Variants in SCARA3 observed in about 807,000 individuals in gnomAD.
SCARA3 encodes the protein cellular stress response gene protein.
SCARA3 carries 39 observed loss-of-function variants against 47.0 expected under a neutral mutation model. The ratio of observed to expected loss-of-function variants is 0.83; its 90% CI spans 0.64 to 1.08. The LOEUF is 1.08. Among genes scored for constraint, SCARA3 ranks in the 50% least tolerant of loss-of-function variants. SCARA3 has a pLI of 0.00. For synonymous variants in SCARA3, 356 were observed against 334.1 expected (o/e 1.07, Z -0.71); for missense variants, 724 against 792.3 (o/e 0.91, Z 1.04).
In SCARA3 at chr8:27,638,314, T is replaced by TTGTGTGTGTATGTG. The variant is rs869248680; in HGVS notation, c.7+4116_7+4117insATGTGTGTGTGTGT. ...TGTTTGATCATGTATAATTTAGTGA[T>TTGTGTGTGTATGTG]TGTGTGTGTGTGTGTGTGTGTGTGT... On this transcript the variant is annotated intron_variant, in intron 1 of 5. Transcript: ENST00000301904. Among the ~76,000 whole-genome samples the TTGTGTGTGTATGTG allele has an allele frequency of 2.7e-5, 4 of 146,734 alleles. No homozygotes were observed. The South Asian group carries it at 8.8e-4, about 32-fold the overall frequency.
chr8:27,670,100 C>T (rs1003008584), intron 5 of SCARA3, among the ~76,000 whole-genome samples: 4 of 152,174 alleles, frequency 2.6e-5, no homozygotes, highest in Admixed American at 6.5e-5. Context: ...TGGCAACTCC[C>T]GCAGGCCCTC....
At chr8:27,649,500 C>T (rs1241744468) in intron 1 of SCARA3, among the ~76,000 whole-genome samples, 1 of 152,204 alleles carries the variant, frequency 6.6e-6, no homozygotes, top group East Asian at 1.9e-4. Flanking sequence ...CTCTCCTCAC[C>T]CAGAGGGGTG....
chr8:27,656,573 G>T (rs1359841279), intron 3 of SCARA3, among the ~76,000 whole-genome samples: 1 of 152,108 alleles, frequency 6.6e-6, no homozygotes, highest in Non-Finnish European at 1.5e-5. Flanking sequence ...AACATGTGGG[G>T]TGTGGGGTGA....
the SCARA3 span, among the ~76,000 whole-genome samples, chr8:27,730,394 C>G: frequency 1.4e-4 from 22 of 152,272 alleles, no homozygotes; most frequent in South Asian, 2.9e-3. Context: ...AGCCCCTCCC[C>G]CTTCCCTGTA....
the SCARA3 span, among the ~76,000 whole-genome samples, chr8:27,711,625 CT>C: frequency 6.6e-6 from 1 of 152,136 alleles, no homozygotes; most frequent in East Asian, 1.9e-4. Context: ...CTCATTGCTA[CT>C]GGTTGGTCAT....
chr8:27,662,482 C>T (rs911884968), intron 5 of SCARA3, among the ~76,000 whole-genome samples: 2 of 152,226 alleles, frequency 1.3e-5, no homozygotes, highest in African/African-American at 4.8e-5. Context: ...CAGTCAGGAG[C>T]AATGCTGTGT....
intron 1 of SCARA3, among the ~76,000 whole-genome samples, chr8:27,637,238 G>A (rs1301553407): frequency 3.3e-5 from 5 of 152,218 alleles, no homozygotes; most frequent in Non-Finnish European, 2.9e-5. Context: ...CTCCCAGGCC[G>A]CTGCCTCTTT....
chr8:27,679,167 T>C (rs527693069), downstream of SCARA3, among the ~76,000 whole-genome samples: 1 of 151,798 alleles, frequency 6.6e-6, no homozygotes, highest in Non-Finnish European at 1.5e-5. Context: ...CTCCTCTTTC[T>C]TCATAGTGTC....
At chr8:27,716,905 C>T in the SCARA3 span, among the ~76,000 whole-genome samples, 1 of 152,108 alleles carries the variant, frequency 6.6e-6, no homozygotes, top group Non-Finnish European at 1.5e-5. Flanking sequence ...TGTGAAACCT[C>T]GTAGGGCATG....
chr8:27,637,217 G>GC (rs1489885628), intron 1 of SCARA3, among the ~76,000 whole-genome samples: 1 of 152,234 alleles, frequency 6.6e-6, no homozygotes, highest in East Asian at 1.9e-4. Context: ...CCCACGGCCA[G>GC]CTGACAGGGC....
Position 27,657,275 on chromosome 8 carries a change from C to CT in SCARA3, c.325+404dup, listed in dbSNP as rs201621117. Among the ~76,000 whole-genome samples, 689 of 150,902 alleles carry CT rather than the reference C, an allele frequency of 4.6e-3. 1 individual carries two copies. Among genetic ancestry groups the CT allele is most frequent in the Admixed American group, 8.7e-3 (131 of 15,114 alleles). ...CTGTGCCACGATTCTTTTCTTTTTT[C>CT]TTTTTTTTTAATATGTGCCATCTAT... is the stretch of plus-strand genomic sequence containing the variant. On this transcript the variant is annotated intron_variant, in intron 4 of 5. Coordinates refer to ENST00000301904, the MANE Select transcript of SCARA3 (RefSeq NM_016240.3).
chr8:27,688,640 T>A, the SCARA3 span, among the ~76,000 whole-genome samples: 1 of 151,582 alleles, frequency 6.6e-6, no homozygotes, highest in Non-Finnish European at 1.5e-5. Context: ...AAGTCAGGGG[T>A]AGGGAGAGAG....
At chr8:27,712,608 G>C in the SCARA3 span, among the ~76,000 whole-genome samples, 1 of 147,042 alleles carries the variant, frequency 6.8e-6, no homozygotes, top group African/African-American at 2.5e-5. Context: ...TTCATGGCTT[G>C]ATACCTCTTC....
the SCARA3 span, among the ~76,000 whole-genome samples, chr8:27,704,705 G>A: frequency 2.1e-5 from 3 of 141,068 alleles, no homozygotes; most frequent in African/African-American, 7.3e-5. Context: ...CATTCACAGA[G>A]CGTCTGCAAT....
chr8:27,672,194 G>C lies in SCARA3; in HGVS notation c.*843G>C. ...CTGACATTCTCTGGCCTTGCACACA[G>C]TGCCCCCTGAGAAGTTCAACATTTA... is the stretch of plus-strand genomic sequence containing the variant. On this transcript the variant is annotated 3_prime_UTR_variant, in exon 6 of 6. Transcript: ENST00000301904. 1.0e-6 allele frequency: 1 copy of C among 985,458 alleles called. No homozygotes were observed. The highest frequency in any genetic ancestry group is 1.1e-4 in the East Asian group (1 of 8,808). The allele number at this position is 985,458 out of a possible 1,614,324, so 61.0% of individuals were successfully genotyped here.
At chr8:27,729,863 G>T in the SCARA3 span, among the ~76,000 whole-genome samples, 1 of 152,160 alleles carries the variant, frequency 6.6e-6, no homozygotes, top group Admixed American at 6.5e-5. Flanking sequence ...GCACACCGCG[G>T]AAGGTAGAGT....
At chr8:27,665,074 C>T (rs1019764638) in intron 5 of SCARA3, among the ~76,000 whole-genome samples, 3 of 152,140 alleles carry the variant, frequency 2.0e-5, no homozygotes, top group South Asian at 4.1e-4. Flanking sequence ...TCCACGTGGC[C>T]GGAACTGAGC....
downstream of SCARA3, chr8:27,676,758 A>T: frequency 1.9e-6 from 1 of 530,824 alleles, no homozygotes; most frequent in South Asian, 2.5e-5. Flanking sequence ...AAATAAATTT[A>T]CCTATATTAG....
At chr8:27,686,017 GAGA>G in the SCARA3 span, among the ~76,000 whole-genome samples, 2 of 152,146 alleles carry the variant, frequency 1.3e-5, no homozygotes, top group African/African-American at 4.8e-5. Context: ...GAGGACTGAA[GAGA>G]TACATCAACC....
Sources: allele counts gnomAD v4.1 joint callset (sites outside exome capture counted in the v4.1 genomes callset), GRCh38; gene constraint gnomAD v4.1.1; transcripts MANE v1.5; gene names NCBI Gene and HGNC (gene_info 2026-07-23, HGNC 2026-07-21).